The following CCDC150 variants were observed in gnomAD, a reference collection of about 807,000 sequenced individuals.
CCDC150 encodes coiled-coil domain containing 150, also known as coiled-coil domain-containing protein 150.
CCDC150 carries 151 observed loss-of-function variants against 156.5 expected under a neutral mutation model. That is an observed-to-expected ratio of 0.97 (90% confidence interval 0.85 to 1.10). The LOEUF (loss-of-function observed/expected upper bound fraction) is 1.10. Among genes scored for constraint, CCDC150 ranks in the 50% least tolerant of loss-of-function variants. The probability of loss-of-function intolerance (pLI) is 0.00; values close to 1 mark genes in which losing one functional copy is unlikely to be tolerated. For synonymous variants in CCDC150, 452 were observed against 429.4 expected, an observed-to-expected ratio of 1.05 and a Z score of -0.65; for missense variants, 1,312 against 1,268.1, an observed-to-expected ratio of 1.03 and a Z score of -0.53.
intron 13 of CCDC150, among the ~76,000 whole-genome samples, chr2:196,682,659 G>A (rs1312831521): frequency 6.6e-6 from 1 of 151,956 alleles, no homozygotes; most frequent in East Asian, 1.9e-4. Flanking sequence ...CAAGTGAAAC[G>A]ACATACAGCA....
chr2:196,700,988 T>C (rs1348886946), intron 14 of CCDC150, 121 bp from the exon 15 acceptor site: 1 of 662,342 alleles, frequency 1.5e-6, no homozygotes, highest in African/African-American at 1.9e-5. Flanking sequence ...CAGTAGCAAA[T>C]AAATAGGAAT....
At chr2:196,705,325 T>C (rs534973587) in intron 15 of CCDC150, among the ~76,000 whole-genome samples, 2 of 152,362 alleles carry the variant, frequency 1.3e-5, no homozygotes, top group Non-Finnish European at 2.9e-5. Flanking sequence ...CATTTTTTCA[T>C]GTGTCTGTTG....
Position 196,703,766 on chromosome 2 carries a change from A to G in CCDC150, c.1695+2586A>G, listed in dbSNP as rs527474099. On this transcript the variant is annotated intron_variant, in intron 15 of 27. Transcript: ENST00000389175. ...ATGAAATATATTTTATAATTTATGG[A>G]TGGGTCTGATGTTCTGTCTGACCTT... Among the ~76,000 whole-genome samples the G allele has an allele frequency of 9.8e-5, 15 of 152,312 alleles. No individual in the cohort carries two copies. In the South Asian group the frequency reaches 1.9e-3, roughly 19 times the overall value.
chr2:196,683,153 G>T (rs961241583), intron 13 of CCDC150, among the ~76,000 whole-genome samples: 6 of 151,956 alleles, frequency 3.9e-5, no homozygotes, highest in African/African-American at 1.4e-4. Context: ...CAACTGTGGG[G>T]TTTTTTCAAT....
At chr2:196,653,611 T>C (rs1693007263) in intron 2 of CCDC150, among the ~76,000 whole-genome samples, 1 of 152,214 alleles carries the variant, frequency 6.6e-6, no homozygotes, top group Admixed American at 6.5e-5. Context: ...TCTGTCTATA[T>C]TTCTGTCAGC....
At chr2:196,685,788 T>C (rs1695092126) in intron 13 of CCDC150, among the ~76,000 whole-genome samples, 1 of 152,088 alleles carries the variant, frequency 6.6e-6, no homozygotes, top group African/African-American at 2.4e-5. Context: ...ATTTTTTTTG[T>C]ATTTTTAGTA....
Position 196,732,616 on chromosome 2 carries a change from G to A in CCDC150, c.*54G>A, listed in dbSNP as rs1698585374. ...GTAGCTACACTCCATGATTCCAAGAGCCCAGCAGCCGGGGCTGGCCTGTTT... is the reference window on the plus strand; with the variant it reads ...GTAGCTACACTCCATGATTCCAAGAACCCAGCAGCCGGGGCTGGCCTGTTT... On this transcript the variant is annotated 3_prime_UTR_variant, in exon 28 of 28. Coordinates refer to ENST00000389175, the MANE Select transcript of CCDC150 (RefSeq NM_001080539.2). 1.6e-6 allele frequency: 2 copies of A among 1,231,404 alleles called. No homozygotes were observed. The highest frequency in any genetic ancestry group is 1.7e-5 in the Admixed American group (1 of 59,116). 76.3% of individuals were successfully genotyped at this position (1,231,404 alleles called of 1,614,324 possible).
At chr2:196,696,470 A>G (rs1297814094) in intron 14 of CCDC150, among the ~76,000 whole-genome samples, 2 of 152,166 alleles carry the variant, frequency 1.3e-5, no homozygotes, top group African/African-American at 4.8e-5. Context: ...AGTCTGACTG[A>G]TTCTTTCCTG....
chr2:196,704,808 T>A (rs1266493884), intron 15 of CCDC150, among the ~76,000 whole-genome samples: 2 of 152,204 alleles, frequency 1.3e-5, no homozygotes, highest in Non-Finnish European at 2.9e-5. Context: ...GTGTTTGTTT[T>A]TCTGTCCTTG....
intron 15 of CCDC150, among the ~76,000 whole-genome samples, chr2:196,704,330 T>G (rs1696440140): frequency 6.6e-6 from 1 of 152,194 alleles, no homozygotes; most frequent in African/African-American, 2.4e-5. Context: ...TATTTATTCC[T>G]CTGTTGATGG....
chr2:196,676,210 G>T lies in CCDC150; in HGVS notation c.1205G>T (p.Ser402Ile). Residue 402 changes from serine (S) to isoleucine (I), a missense_variant, in exon 11 of 28, where the codon AGT (serine) becomes ATT (isoleucine). Physicochemically the swap from Ser to Ile is moderately radical, Grantham distance 142. Transcript: ENST00000389175. The part of the protein sequence containing the change: ...QNLLLDAAHA[S>I]ITNELQTVQN... Reference sequence around the variant, plus strand: ...TTATTGCTGGATGCAGCCCATGCCAGTATCACAAATGAACTACAGACTGTT... The same window carrying T: ...TTATTGCTGGATGCAGCCCATGCCATTATCACAAATGAACTACAGACTGTT... 1 of 1,613,572 alleles carries T rather than the reference G, an allele frequency of 6.2e-7. No homozygotes were observed. Among genetic ancestry groups the T allele is most frequent in the Non-Finnish European group, 8.5e-7 (1 of 1,179,550 alleles).
chr2:196,709,390 A>C (rs1696917401), intron 15 of CCDC150, among the ~76,000 whole-genome samples: 1 of 152,076 alleles, frequency 6.6e-6, no homozygotes, highest in South Asian at 2.1e-4. Context: ...TGTTTTTTCT[A>C]GTTAGCCATT....
Position 196,712,730 on chromosome 2 carries a change from C to A in CCDC150, c.1857C>A (p.His619Gln). The A allele has an allele frequency of 6.2e-7, 1 of 1,609,810 alleles. No homozygotes were observed. Among genetic ancestry groups the A allele is most frequent in the Non-Finnish European group, 8.5e-7 (1 of 1,177,724 alleles). ...KRVHLQQADA[H>Q]LKEVKSILER... ...TACACCTGCAGCAGGCAGATGCTCACCTGAAAGAAGTATTGGTAATGAAAG... is the reference window on the plus strand; with the variant it reads ...TACACCTGCAGCAGGCAGATGCTCAACTGAAAGAAGTATTGGTAATGAAAG... The change falls in exon 17 of 28, where the codon CAC (histidine) becomes CAA (glutamine). Residue 619 changes from histidine (H) to glutamine (Q), a missense_variant. Coordinates refer to ENST00000389175, the MANE Select transcript of CCDC150 (RefSeq NM_001080539.2).
At chr2:196,651,515 T>G (rs573831722) in intron 2 of CCDC150, among the ~76,000 whole-genome samples, 14 of 152,254 alleles carry the variant, frequency 9.2e-5, no homozygotes, top group Admixed American at 4.6e-4. Flanking sequence ...TCATTGCCTC[T>G]TTGTTTTTGA....
intron 1 of CCDC150, among the ~76,000 whole-genome samples, chr2:196,641,218 C>A (rs905327675): frequency 6.6e-6 from 1 of 152,128 alleles, no homozygotes; most frequent in Non-Finnish European, 1.5e-5. Context: ...ACCTCTTGAT[C>A]TGCCCGCCTC....
At chr2:196,692,375 C>T (rs1181267715) in intron 13 of CCDC150, among the ~76,000 whole-genome samples, 1 of 151,120 alleles carries the variant, frequency 6.6e-6, no homozygotes. Context: ...ACCTCATGAT[C>T]CACCCGCCTC....
At chr2:196,725,184 G>A (rs1013710802) in intron 21 of CCDC150, among the ~76,000 whole-genome samples, 1 of 152,124 alleles carries the variant, frequency 6.6e-6, no homozygotes, top group Non-Finnish European at 1.5e-5. Flanking sequence ...TCATGGCAGG[G>A]CAGGCTTCTC....
chr2:196,712,684 C>G lies in CCDC150; in HGVS notation c.1811C>G (p.Ser604Ter), dbSNP rs368379139. ...YLQTKYAQAN[S>*]ELSAKRVHLQ... ...TTGTTTTTTGAATTAAAGGCAAACT[C>G]AGAACTCAGTGCCAAGAGGGTACAC... is the stretch of plus-strand genomic sequence containing the variant. The change falls in exon 17 of 28, where the codon TCA becomes TGA. Residue 604 changes from serine to a stop codon, truncating the protein, a stop_gained. Transcript: ENST00000389175. LOFTEE classifies it high-confidence loss of function. 1.6e-5 allele frequency: 25 copies of G among 1,609,420 alleles called. No individual in the cohort carries two copies. Among genetic ancestry groups the G allele is most frequent in the Non-Finnish European group, 2.1e-5 (25 of 1,177,766 alleles).
chr2:196,669,925 T>C, intron 8 of CCDC150, 49 bp downstream of exon 8: 1 of 1,353,084 alleles, frequency 7.4e-7, no homozygotes, highest in African/African-American at 1.5e-5. Context: ...CTCTCTTCAC[T>C]AAGTCCTATT....
Sources: gnomAD v4.1 joint callset for allele counts (sites outside exome capture counted in the v4.1 genomes callset) on GRCh38, gnomAD v4.1.1 for gene constraint, MANE v1.5 for transcripts, NCBI Gene and HGNC (gene_info 2026-07-23, HGNC 2026-07-21) for gene names.